Variants in UMAD1 observed in about 807,000 individuals in gnomAD.
UMAD1 encodes the protein UBAP1-MVB12-associated (UMA) domain containing 1.
In UMAD1, 8 loss-of-function variants were observed where a neutral mutation model predicts 6.1. The observed-to-expected ratio is 1.30, with a 90% CI of 0.76 to 2.35. The LOEUF (loss-of-function observed/expected upper bound fraction) is 2.35, where lower values mean the gene tolerates loss of function less well. UMAD1 is among the 30% of genes most tolerant of loss of function. UMAD1 has a pLI of 0.00. For synonymous variants in UMAD1, 56 were observed against 31.4 expected (o/e 1.78, Z -2.61); for missense variants, 130 against 78.4 (o/e 1.66, Z -2.49).
rs530850923 is a variant in UMAD1 at position 7,851,356 on chromosome 7, C to A, written c.157-25925C>A. 3.9e-5 allele frequency among the ~76,000 whole-genome samples: 6 copies of A among 152,232 alleles called. No individual in the cohort carries two copies. In the South Asian group the frequency reaches 1.2e-3, roughly 32 times the overall value. ...CACCTTTTGACTATTGTAAATAATA[C>A]TATTCTGAACATTTATGTACAAGTA... On this transcript the variant is annotated intron_variant, in intron 3 of 3. Transcript: ENST00000682710.
intron 2 of UMAD1, chr7:7,685,876 A>G (rs916643236): frequency 3.9e-5 from 6 of 152,236 alleles, no homozygotes; most frequent in Admixed American, 6.5e-5. Context: ...AATGTGGTAA[A>G]TTAGTGTCGT....
At chr7:7,655,030 A>T (rs886727722) in intron 1 of UMAD1, among the ~76,000 whole-genome samples, 6 of 152,152 alleles carry the variant, frequency 3.9e-5, no homozygotes, top group African/African-American at 1.4e-4. Context: ...CTAGAAAATT[A>T]GTAATTCTGG....
At chr7:7,762,008 C>T (rs1171894603) in intron 2 of UMAD1, among the ~76,000 whole-genome samples, 1 of 152,140 alleles carries the variant, frequency 6.6e-6, no homozygotes, top group Non-Finnish European at 1.5e-5. Flanking sequence ...AGATCAGTTG[C>T]AGGTTTTTCA....
chr7:7,873,810 A>G (rs1049770661), intron 3 of UMAD1, among the ~76,000 whole-genome samples: 5 of 152,198 alleles, frequency 3.3e-5, no homozygotes, highest in Admixed American at 3.3e-4. Context: ...CCCAACTTGA[A>G]AAACAAAAAT....
At chr7:7,646,828 G>A (rs1416429326) in intron 1 of UMAD1, among the ~76,000 whole-genome samples, 1 of 152,076 alleles carries the variant, frequency 6.6e-6, no homozygotes, top group African/African-American at 2.4e-5. Flanking sequence ...CTGCTGCTCT[G>A]CCACTCTTCT....
chr7:7,696,606 G>A (rs985310765), intron 2 of UMAD1, among the ~76,000 whole-genome samples: 7 of 151,998 alleles, frequency 4.6e-5, no homozygotes, highest in South Asian at 2.1e-4. Context: ...TTATTGATCC[G>A]AAGGCTCTTC....
intron 3 of UMAD1, among the ~76,000 whole-genome samples, chr7:7,814,628 ATATATT>A (rs1783089887): frequency 6.7e-6 from 1 of 148,268 alleles, no homozygotes; most frequent in African/African-American, 2.5e-5. Flanking sequence ...CTTCTACAAA[ATATATT>A]TATATTTAGA....
chr7:7,674,048 T>A (rs1386449247), intron 2 of UMAD1, among the ~76,000 whole-genome samples: 2 of 152,214 alleles, frequency 1.3e-5, no homozygotes, highest in Admixed American at 6.5e-5. Context: ...TTTCTTCCCC[T>A]GAGGAAAAGT....
At chr7:7,848,639 G>A (rs1783855833) in intron 3 of UMAD1, among the ~76,000 whole-genome samples, 1 of 152,138 alleles carries the variant, frequency 6.6e-6, no homozygotes, top group African/African-American at 2.4e-5. Flanking sequence ...AAGGGAAAGG[G>A]AGAGATTTAT....
intron 2 of UMAD1, among the ~76,000 whole-genome samples, chr7:7,746,536 T>C (rs1426846697): frequency 2.0e-5 from 3 of 152,262 alleles, no homozygotes; most frequent in African/African-American, 7.2e-5. Context: ...TATGTGCATG[T>C]AGTTTTTGCC....
intron 2 of UMAD1, among the ~76,000 whole-genome samples, chr7:7,690,701 A>G (rs982085500): frequency 6.6e-6 from 1 of 152,100 alleles, no homozygotes; most frequent in South Asian, 2.1e-4. Context: ...TTTGCTAAGG[A>G]GAGAAAGGAA....
At chr7:7,786,252 T>G (rs1046618935) in intron 2 of UMAD1, among the ~76,000 whole-genome samples, 3 of 152,232 alleles carry the variant, frequency 2.0e-5, no homozygotes, top group African/African-American at 7.2e-5. Flanking sequence ...CCTCAGTGTT[T>G]CCATGACCTT....
At chr7:7,825,793 A>T (rs1025368990) in intron 3 of UMAD1, among the ~76,000 whole-genome samples, 1 of 152,162 alleles carries the variant, frequency 6.6e-6, no homozygotes, top group Non-Finnish European at 1.5e-5. Flanking sequence ...CTCAAATAGG[A>T]TTCCCTAGAT....
chr7:7,722,597 T>C lies in UMAD1; in HGVS notation c.82+49144T>C, dbSNP rs1781072019. Among the ~76,000 whole-genome samples the C allele has an allele frequency of 1.3e-5, 2 of 152,106 alleles. 1 individual carries two copies. Among genetic ancestry groups the C allele is most frequent in the South Asian group, 4.1e-4 (2 of 4,826 alleles). Reference sequence around the variant, plus strand: ...CACTGGACAAAGTGATGAAGGAAAATGATGAATTCAGGGATTCTGACTCCT... The same window carrying C: ...CACTGGACAAAGTGATGAAGGAAAACGATGAATTCAGGGATTCTGACTCCT... On this transcript the variant is annotated intron_variant, in intron 2 of 3. Coordinates refer to ENST00000682710, the MANE Select transcript of UMAD1 (RefSeq NM_001302348.2).
At position 7,654,037 on chromosome 7, in the gene UMAD1, T is replaced by G. The variant is rs565268363; in HGVS notation, c.-64+13216T>G. Among the ~76,000 whole-genome samples the G allele has an allele frequency of 5.9e-5, 9 of 152,324 alleles. No homozygotes were observed. In the East Asian group the frequency reaches 1.7e-3, roughly 29 times the overall value. ...GAGACTTTATTATTCCGTTCTGTTT[T>G]TCATATTGTGAATAAGAAGCAGTAG... On this transcript the variant is annotated intron_variant, in intron 1 of 3. Coordinates refer to ENST00000682710, the MANE Select transcript of UMAD1 (RefSeq NM_001302348.2).
At chr7:7,848,059 G>T (rs10225756) in intron 3 of UMAD1, among the ~76,000 whole-genome samples, 11,332 of 152,216 alleles carry the variant, frequency 0.074, 546 homozygotes, top group African/African-American at 0.13. Flanking sequence ...AAAGATACCT[G>T]TAGAAGCTCC....
chr7:7,688,249 C>T lies in UMAD1; in HGVS notation c.82+14796C>T, dbSNP rs28912725. Among the ~76,000 whole-genome samples, 678 of 152,164 alleles carry T rather than the reference C, an allele frequency of 4.5e-3. 6 individuals carry two copies. Among genetic ancestry groups the T allele is most frequent in the African/African-American group, 0.016 (652 of 41,516 alleles). The stretch of plus-strand genomic sequence containing the variant: ...TGCTTTGGTTTACTAGCTCCTTGGG[C>T]TGTGATTTCTTAGGATATTTTTATC... On this transcript the variant is annotated intron_variant, in intron 2 of 3. Coordinates refer to ENST00000682710, the MANE Select transcript of UMAD1 (RefSeq NM_001302348.2).
intron 1 of UMAD1, among the ~76,000 whole-genome samples, chr7:7,670,968 C>G (rs2115104498): frequency 6.6e-6 from 1 of 152,208 alleles, no homozygotes; most frequent in Middle Eastern, 3.4e-3. Flanking sequence ...TTGGCTTCAC[C>G]CTGTTGGAAT....
chr7:7,733,974 A>G (rs1197044738), intron 2 of UMAD1, among the ~76,000 whole-genome samples: 1 of 152,044 alleles, frequency 6.6e-6, no homozygotes. Flanking sequence ...AAGGAATGTA[A>G]TCTCTTTTCA....
Sources: gnomAD v4.1 joint callset for allele counts (sites outside exome capture counted in the v4.1 genomes callset) on GRCh38, gnomAD v4.1.1 for gene constraint, MANE v1.5 for transcripts, NCBI Gene and HGNC (gene_info 2026-07-23, HGNC 2026-07-21) for gene names.